The following CRB1 variants were observed in gnomAD, a reference collection of about 807,000 sequenced individuals.
The protein encoded by CRB1 is crumbs cell polarity complex component 1, also known as protein crumbs homolog 1.
CRB1 carries 83 observed loss-of-function variants against 120.0 expected under a neutral mutation model. That is an observed-to-expected ratio of 0.69 (90% CI 0.58 to 0.83). CRB1 has a LOEUF of 0.83. Ranked by LOEUF, CRB1 falls within the 40% of genes least tolerant of loss-of-function variation. CRB1 has a pLI of 0.00. For synonymous variants in CRB1, 625 were observed against 612.5 expected, an observed-to-expected ratio of 1.02 and a Z score of -0.30; for missense variants, 1,699 against 1,687.6, an observed-to-expected ratio of 1.01 and a Z score of -0.12.
the CRB1 span, chr1:197,223,335 G>A: frequency 7.0e-6 from 4 of 575,086 alleles, no homozygotes; most frequent in Non-Finnish European, 1.3e-5. Context: ...GTGGTTTAAA[G>A]TAGATAGCAT....
intron 2 of CRB1, among the ~76,000 whole-genome samples, chr1:197,341,487 G>A (rs1465897456): frequency 3.3e-5 from 5 of 151,874 alleles, no homozygotes; most frequent in Non-Finnish European, 5.9e-5. Context: ...AGGTTGCAGC[G>A]AGCCAAGAAA....
At chr1:197,414,753 C>T (rs1426444543) in intron 5 of CRB1, among the ~76,000 whole-genome samples, 1 of 152,144 alleles carries the variant, frequency 6.6e-6, no homozygotes, top group Non-Finnish European at 1.5e-5. Context: ...TGATTGACAA[C>T]AGATCTTGTT....
the CRB1 span, among the ~76,000 whole-genome samples, chr1:197,258,516 C>T: frequency 6.6e-6 from 1 of 152,112 alleles, no homozygotes; most frequent in African/African-American, 2.4e-5. Context: ...AATCCCCTTC[C>T]TGACAAATCA....
intron 5 of CRB1, among the ~76,000 whole-genome samples, chr1:197,363,008 T>C (rs917892825): frequency 6.6e-6 from 1 of 152,124 alleles, no homozygotes; most frequent in African/African-American, 2.4e-5. Context: ...GATTTCTGTA[T>C]AGTGTTTTTA....
At chr1:197,477,551 T>C in intron 11 of CRB1, 113 bp from the exon 12 acceptor site, 2 of 888,570 alleles carry the variant, frequency 2.3e-6, no homozygotes, top group Non-Finnish European at 3.8e-6. Flanking sequence ...TTTACAGTAC[T>C]GAGTGGTACC....
At chr1:197,329,685 A>G (rs1474639737) in intron 2 of CRB1, among the ~76,000 whole-genome samples, 1 of 152,162 alleles carries the variant, frequency 6.6e-6, no homozygotes, top group Non-Finnish European at 1.5e-5. Context: ...ATCCTTTTGA[A>G]TCACTGTTAC....
intron 1 of CRB1, among the ~76,000 whole-genome samples, chr1:197,273,062 G>A (rs1654996956): frequency 6.6e-6 from 1 of 151,884 alleles, no homozygotes; most frequent in Non-Finnish European, 1.5e-5. Flanking sequence ...TACCTGACAT[G>A]CTTTCCCTGT....
At chr1:197,223,300 G>C in the CRB1 span, 2 of 728,080 alleles carry the variant, frequency 2.7e-6, no homozygotes, top group Non-Finnish European at 4.8e-6. Flanking sequence ...GAAATTGGCT[G>C]TTTTGTTAAA....
chr1:197,385,451 G>T (rs1231324690), intron 5 of CRB1, among the ~76,000 whole-genome samples: 1 of 152,028 alleles, frequency 6.6e-6, no homozygotes, highest in East Asian at 1.9e-4. Flanking sequence ...AAATTGTGGA[G>T]TGAGAAGTAG....
chr1:197,300,441 C>G (rs1258184742), intron 1 of CRB1, among the ~76,000 whole-genome samples: 2 of 151,946 alleles, frequency 1.3e-5, no homozygotes, highest in African/African-American at 4.8e-5. Flanking sequence ...GAAGATCAAA[C>G]CAGCCACAAC....
At chr1:197,386,946 T>A (rs993890954) in intron 5 of CRB1, among the ~76,000 whole-genome samples, 1 of 152,186 alleles carries the variant, frequency 6.6e-6, no homozygotes, top group African/African-American at 2.4e-5. Context: ...GAGTATTGGC[T>A]ACGACAATTT....
At chr1:197,252,580 ATATGTGTGTG>A in the CRB1 span, among the ~76,000 whole-genome samples, 57 of 22,316 alleles carry the variant, frequency 2.6e-3, no homozygotes, top group Admixed American at 0.011. Context: ...ATATATATAT[ATATGTGTGTG>A]TGTGTGTGTG....
At chr1:197,283,259 T>C (rs1020269734) in intron 1 of CRB1, among the ~76,000 whole-genome samples, 1 of 151,738 alleles carries the variant, frequency 6.6e-6, no homozygotes, top group African/African-American at 2.4e-5. Flanking sequence ...TTTTTTCCTA[T>C]GTTTTTTGGG....
chr1:197,454,742 A>G (rs1292813399), intron 11 of CRB1, among the ~76,000 whole-genome samples: 1 of 152,186 alleles, frequency 6.6e-6, no homozygotes, highest in African/African-American at 2.4e-5. Flanking sequence ...CAATCTCATC[A>G]TCTACTAAAA....
chr1:197,399,431 G>T (rs1662946487), intron 5 of CRB1, among the ~76,000 whole-genome samples: 1 of 152,150 alleles, frequency 6.6e-6, no homozygotes, highest in South Asian at 2.1e-4. Flanking sequence ...AAGAAATCAA[G>T]TAGATATGAG....
the CRB1 span, among the ~76,000 whole-genome samples, chr1:197,255,307 T>C: frequency 7.2e-5 from 11 of 152,102 alleles, no homozygotes; most frequent in Non-Finnish European, 1.3e-4. Context: ...TATGAAATTA[T>C]GTGTGATGCT....
intron 11 of CRB1, among the ~76,000 whole-genome samples, chr1:197,451,483 T>C (rs1307004780): frequency 6.6e-6 from 1 of 152,188 alleles, no homozygotes; most frequent in Non-Finnish European, 1.5e-5. Context: ...AAAGAAATGT[T>C]TGAGAATGAG....
At chr1:197,400,873 G>A (rs1663030911) in intron 5 of CRB1, among the ~76,000 whole-genome samples, 1 of 152,016 alleles carries the variant, frequency 6.6e-6, no homozygotes, top group African/African-American at 2.4e-5. Context: ...AAGAAATAAA[G>A]GAAGTTAAAA....
intron 9 of CRB1, among the ~76,000 whole-genome samples, chr1:197,437,630 GAA>G (rs5779869): frequency 0.39 from 58,692 of 151,788 alleles, 13,932 homozygotes; most frequent in East Asian, 0.66. Flanking sequence ...TGGCTCTTTT[GAA>G]AAGTCTTTAT....
Sources: gnomAD v4.1 joint callset for allele counts (sites outside exome capture counted in the v4.1 genomes callset) on GRCh38, gnomAD v4.1.1 for gene constraint, MANE v1.5 for transcripts, NCBI Gene and HGNC (gene_info 2026-07-23, HGNC 2026-07-21) for gene names.